The following SLC6A14 variants were observed in gnomAD, a reference collection of about 807,000 sequenced individuals.
SLC6A14 encodes the protein sodium- and chloride-dependent neutral and basic amino acid transporter B(0+).
SLC6A14 carries 21 observed loss-of-function variants against 51.4 expected under a neutral mutation model. The observed-to-expected ratio is 0.41, with a 90% CI of 0.29 to 0.59. The LOEUF (loss-of-function observed/expected upper bound fraction) is 0.59, where lower values mean the gene tolerates loss of function less well. Ranked by LOEUF, SLC6A14 falls within the 20% of genes least tolerant of loss-of-function variation. The pLI is 0.31. For missense variants in SLC6A14, 371 were observed against 472.8 expected (o/e 0.78, Z 2.00); for synonymous variants, 177 against 160.7 (o/e 1.10, Z -0.77).
rs1469354986 is a variant in SLC6A14 at position 116,459,521 on chromosome X, G to A, written c.*566G>A. Reference sequence around the variant, plus strand: ...TTACCCAAATATGTTTAAAAACTTCGTGCATTTGTTACAGCTCATGTTTTC... The same window carrying A: ...TTACCCAAATATGTTTAAAAACTTCATGCATTTGTTACAGCTCATGTTTTC... On this transcript the variant is annotated 3_prime_UTR_variant, in exon 14 of 14. Transcript: ENST00000598581. 1.8e-5 allele frequency: 2 copies of A among 111,455 alleles called. No individual in the cohort carries two copies. Among genetic ancestry groups the A allele is most frequent in the South Asian group, 3.7e-4 (1 of 2,670 alleles). 9.2% of individuals were successfully genotyped at this position (111,455 alleles called of 1,213,427 possible).
chrX:116,440,063 C>T (rs1346926733), intron 2 of SLC6A14, among the ~76,000 whole-genome samples: 2 of 111,740 alleles, frequency 1.8e-5, no homozygotes, highest in African/African-American at 6.5e-5. Context: ...CTGATCCCCA[C>T]ATTCTTTATT....
At chrX:116,457,190 A>C (rs1927951081) in intron 12 of SLC6A14, among the ~76,000 whole-genome samples, 1 of 111,631 alleles carries the variant, frequency 9.0e-6, no homozygotes, top group Non-Finnish European at 1.9e-5. Flanking sequence ...TCACATTCTC[A>C]TTGTATTAAT....
chrX:116,442,613 C>T, intron 3 of SLC6A14, 74 bp from the exon 4 acceptor site: 1 of 854,714 alleles, frequency 1.2e-6, no homozygotes, highest in Non-Finnish European at 1.6e-6. Flanking sequence ...AATTGAGATA[C>T]AGCTTTTTTA....
rs147850279 is a variant in SLC6A14 at position 116,443,495 on chromosome X, C to T, written c.509-148C>T. On this transcript the variant is annotated intron_variant, in intron 4 of 13. Coordinates refer to ENST00000598581, the MANE Select transcript of SLC6A14 (RefSeq NM_007231.5). ...ATTTTAAGATGCTGAATGTACATAG[C>T]TTATTCCATCTGTAAGATTTCTACT... 1.2e-4 allele frequency: 45 copies of T among 391,260 alleles called. No individual in the cohort carries two copies. In the East Asian group the frequency reaches 2.0e-3, roughly 17 times the overall value. 32.2% of individuals were successfully genotyped at this position (391,260 alleles called of 1,213,427 possible). A position where few individuals can be genotyped will look rare whatever the true frequency, so the allele number is the denominator to read the frequency against.
intron 5 of SLC6A14, 73 bp downstream of exon 5, chrX:116,443,863 C>T (rs1321559226): frequency 1.3e-6 from 1 of 787,051 alleles, no homozygotes; most frequent in Non-Finnish European, 1.8e-6. Context: ...AAACATTAAT[C>T]ATCTCCTTCC....
At chrX:116,451,419 T>C in intron 7 of SLC6A14, 23 bp from the exon 8 acceptor site, 5 of 1,067,656 alleles carry the variant, frequency 4.7e-6, no homozygotes, top group Non-Finnish European at 6.4e-6. Flanking sequence ...TGTTTTAAAA[T>C]ATTAAATTAT....
In SLC6A14 at chrX:116,453,134, C is replaced by A; in HGVS notation, c.1277C>A (p.Ala426Asp). The change falls in exon 9 of 14, where the codon GCT becomes GAT. Residue 426 changes from alanine to aspartate, a missense_variant. Around this residue, in one of 2 missense-constraint regions of SLC6A14, gnomAD observed 277 missense variants for 391.8 expected, o/e 0.71. Coordinates refer to ENST00000598581, the MANE Select transcript of SLC6A14 (RefSeq NM_007231.5). ...ACTTTGGGTCTCGATTCTCAGTTTGCTTCGATTGGTAAGTAATACTTCCAG... is the reference window on the plus strand; with the variant it reads ...ACTTTGGGTCTCGATTCTCAGTTTGATTCGATTGGTAAGTAATACTTCCAG... ...LLTLGLDSQF[A>D]SIETITTTIQ... is the part of the protein sequence containing the mutation. The A allele has an allele frequency of 8.3e-7, 1 of 1,198,428 alleles. No homozygotes were observed. The highest frequency in any genetic ancestry group is 1.8e-5 in the South Asian group (1 of 54,971).
rs1179914532 is a variant in SLC6A14 at position 116,436,635 on chromosome X, G to T, written c.-75G>T. ...CACTCTGGCAGGTAGGAACAGGGGA[G>T]AGTGCACCTGCTACCAGTCAAGCTC... On this transcript the variant is annotated 5_prime_UTR_variant, in exon 1 of 14. Transcript: ENST00000598581. 1 of 1,056,634 alleles carries T rather than the reference G, an allele frequency of 9.5e-7. No individual in the cohort carries two copies. Among genetic ancestry groups the T allele is most frequent in the Middle Eastern group, 2.6e-4 (1 of 3,895 alleles). The allele number at this position is 1,056,634 out of a possible 1,213,427, so 87.1% of individuals were successfully genotyped here.
chrX:116,444,882 T>C, intron 5 of SLC6A14, 36 bp from the exon 6 acceptor site: 1 of 1,199,994 alleles, frequency 8.3e-7, no homozygotes, highest in Non-Finnish European at 1.1e-6. Flanking sequence ...TTAAGTCAAG[T>C]GATTCTGTGA....
chrX:116,451,944 G>T (rs551120237), intron 8 of SLC6A14, among the ~76,000 whole-genome samples: 4 of 111,679 alleles, frequency 3.6e-5, no homozygotes, highest in African/African-American at 6.5e-5. Flanking sequence ...CATTATAAAA[G>T]AAAGAAAATG....
intron 6 of SLC6A14, among the ~76,000 whole-genome samples, chrX:116,445,466 G>GAGAA (rs1927689250): frequency 1.8e-5 from 1 of 56,289 alleles, no homozygotes; most frequent in African/African-American, 5.6e-5. Context: ...CGGAGAGAGA[G>GAGAA]AGAGAGAGAG....
intron 4 of SLC6A14, among the ~76,000 whole-genome samples, chrX:116,443,441 T>C (rs186670936): frequency 2.6e-4 from 29 of 111,670 alleles, no homozygotes; most frequent in African/African-American, 9.4e-4. Flanking sequence ...GCAGACAGTT[T>C]TGTAATCCCT....
rs372161728 is a variant in SLC6A14 at position 116,436,775 on chromosome X, G to A, written c.48+18G>A. On this transcript the variant is annotated intron_variant, in intron 1 of 13. Transcript: ENST00000598581. ...AGAAGGAGGTAGGGGTCTGGGAGCT[G>A]CGGGAGGTGTGGAGGACCTGAGAGT... 8.6e-6 allele frequency: 10 copies of A among 1,159,676 alleles called. No homozygotes were observed. The East Asian group carries it at 9.8e-5, about 11-fold the overall frequency.
chrX:116,445,165 GTGAAAAGCTT>G, intron 6 of SLC6A14, 115 bp downstream of exon 6: 1 of 712,863 alleles, frequency 1.4e-6, no homozygotes, highest in Non-Finnish European at 2.0e-6. Context: ...ATTCAAATGT[GTGAAAAGCTT>G]TCTAAATAGT....
At chrX:116,445,627 G>T in intron 6 of SLC6A14, among the ~76,000 whole-genome samples, 1 of 110,669 alleles carries the variant, frequency 9.0e-6, no homozygotes, top group Non-Finnish European at 1.9e-5. Flanking sequence ...CTCAGTGAAA[G>T]GGCCTCTTCT....
At chrX:116,444,678 T>C (rs1927669035) in intron 5 of SLC6A14, among the ~76,000 whole-genome samples, 1 of 111,584 alleles carries the variant, frequency 9.0e-6, no homozygotes, top group Non-Finnish European at 1.9e-5. Flanking sequence ...GATCTTTTAT[T>C]CTGTGGTTTG....
chrX:116,447,760 T>A (rs1927746724), intron 7 of SLC6A14, among the ~76,000 whole-genome samples: 1 of 110,386 alleles, frequency 9.1e-6, no homozygotes, highest in African/African-American at 3.3e-5. Flanking sequence ...TGCACCTGGC[T>A]ACTTTTTTGT....
intron 4 of SLC6A14, 125 bp from the exon 5 acceptor site, chrX:116,443,518 A>G: frequency 2.2e-6 from 1 of 452,187 alleles, no homozygotes; most frequent in Non-Finnish European, 3.5e-6. Flanking sequence ...TAAGATTTCT[A>G]CTCCACTTTT....
chrX:116,457,732 A>G lies in SLC6A14; in HGVS notation c.1738A>G (p.Met580Val), dbSNP rs781996614. 8.3e-7 allele frequency: 1 copy of G among 1,202,618 alleles called. No individual in the cohort carries two copies. Residue 580 changes from methionine to valine, a missense_variant, in exon 13 of 14, where the codon ATG (methionine) becomes GTG (valine). Transcript: ENST00000598581. ...IVFCIIWIPIMAIIKIIQAKG... is the reference protein window; with the variant it reads ...IVFCIIWIPIVAIIKIIQAKG... The stretch of plus-strand genomic sequence containing the variant: ...TTTCTGCATTATTTGGATTCCAATT[A>G]TGGCTATCATAAAAATAATTCAGGC...
Sources: gnomAD v4.1 joint callset for allele counts (sites outside exome capture counted in the v4.1 genomes callset) on GRCh38, gnomAD v4.1.1 for gene constraint, gnomAD v4.1.1 regional missense constraint, MANE v1.5 for transcripts, NCBI Gene and HGNC (gene_info 2026-07-23, HGNC 2026-07-21) for gene names.